Variants in ANXA4 observed in about 807,000 individuals in gnomAD.
ANXA4 encodes the protein annexin A4.
Under a neutral mutation model 49.8 loss-of-function variants are expected in ANXA4, and 39 were observed. That is an observed-to-expected ratio of 0.78 (90% CI 0.61 to 1.02). ANXA4 has a LOEUF of 1.02. Among genes scored for constraint, ANXA4 ranks in the 50% least tolerant of loss-of-function variants. The pLI, the probability that ANXA4 is intolerant of heterozygous loss-of-function variation, is 0.00. For synonymous variants in ANXA4, 134 were observed against 152.5 expected (o/e 0.88, Z 0.89); for missense variants, 360 against 410.1 (o/e 0.88, Z 1.05).
chr2:69,813,545 G>A (rs1168940163), intron 8 of ANXA4, among the ~76,000 whole-genome samples: 4 of 150,500 alleles, frequency 2.7e-5, no homozygotes, highest in Admixed American at 2.0e-4. Context: ...GCCATCGCGC[G>A]TGGCCCACTG....
At chr2:69,757,821 T>C (rs545025262) in intron 1 of ANXA4, among the ~76,000 whole-genome samples, 1 of 151,804 alleles carries the variant, frequency 6.6e-6, no homozygotes, top group South Asian at 2.1e-4. Context: ...TAGCTGGGCA[T>C]AGTGGTGTGT....
At chr2:69,677,891 A>G (rs1166495966) in intron 2 of ANXA4, among the ~76,000 whole-genome samples, 1 of 152,242 alleles carries the variant, frequency 6.6e-6, no homozygotes, top group Non-Finnish European at 1.5e-5. Flanking sequence ...TTCTCCCCTG[A>G]AGACCCTCAT....
rs112443414 is a variant in ANXA4 at position 69,713,363 on chromosome 2, G to A, written n.767-7411G>A. 1.1e-4 allele frequency among the ~76,000 whole-genome samples: 16 copies of A among 152,184 alleles called. 2 individuals are homozygous for A. Among genetic ancestry groups the A allele is most frequent in the African/African-American group, 3.9e-4 (16 of 41,522 alleles). ...TCTCCCCAAGGAAGAAGCGATATGTGGATGATAAGATTGGAAGAAGCCACT... is the reference window on the plus strand; with the variant it reads ...TCTCCCCAAGGAAGAAGCGATATGTAGATGATAAGATTGGAAGAAGCCACT... On this transcript the variant is annotated intron_variant and non_coding_transcript_variant, in intron 2 of 3. Transcript: ENST00000418066.
intron 1 of ANXA4, among the ~76,000 whole-genome samples, chr2:69,776,699 C>T (rs986979095): frequency 1.3e-5 from 2 of 152,148 alleles, no homozygotes; most frequent in Non-Finnish European, 2.9e-5. Context: ...GAATAATTGT[C>T]TTGGACCACA....
chr2:69,716,156 T>C (rs954659227), intron 2 of ANXA4, among the ~76,000 whole-genome samples: 1 of 151,972 alleles, frequency 6.6e-6, no homozygotes, highest in African/African-American at 2.4e-5. Context: ...AAAATACATG[T>C]ACATATGAGT....
At chr2:69,696,266 T>C (rs1355286133) in intron 2 of ANXA4, among the ~76,000 whole-genome samples, 1 of 152,220 alleles carries the variant, frequency 6.6e-6, no homozygotes, top group Non-Finnish European at 1.5e-5. Context: ...CACAGCACCT[T>C]CACCAGAAGC....
intron 1 of ANXA4, among the ~76,000 whole-genome samples, chr2:69,748,913 A>G (rs1050305467): frequency 1.3e-5 from 2 of 152,014 alleles, no homozygotes; most frequent in Non-Finnish European, 2.9e-5. Flanking sequence ...AAGTTTTGCC[A>G]TGTTGCCCAG....
rs574961611 is a variant in ANXA4, at chr2:69,718,754, TACACAC to T, written n.767-2016_767-2011del. Among the ~76,000 whole-genome samples, 3 of 143,288 alleles carry T rather than the reference TACACAC, an allele frequency of 2.1e-5. No individual in the cohort carries two copies. The East Asian group carries it at 5.8e-4, about 28-fold the overall frequency. The allele number at this position is 143,288 out of a possible 152,430, so 94.0% of individuals were successfully genotyped here. ...ACACAAATGCACACACATACATGCA[TACACAC>T]ACATACACACACATTCACACACATG... is the stretch of plus-strand genomic sequence containing the variant. On this transcript the variant is annotated intron_variant and non_coding_transcript_variant, in intron 2 of 3. Coordinates refer to the ANXA4 transcript ENST00000418066.
rs182538609 is a variant in ANXA4 at position 69,656,276 on chromosome 2, C to T, written n.766+2994C>T. Among the ~76,000 whole-genome samples the T allele has an allele frequency of 4.5e-3, 453 of 100,906 alleles. 42 individuals are homozygous for T. Among genetic ancestry groups the T allele is most frequent in the East Asian group, 0.024 (41 of 1,676 alleles). The allele number at this position is 100,906 out of a possible 152,430, so 66.2% of individuals were successfully genotyped here. ...GTATATACGTATATATATGTATATA[C>T]GTATATATATACATATATGTATATA... On this transcript the variant is annotated intron_variant and non_coding_transcript_variant, in intron 2 of 3. Coordinates refer to the ANXA4 transcript ENST00000418066.
intron 1 of ANXA4, among the ~76,000 whole-genome samples, chr2:69,775,690 A>G (rs1345225775): frequency 6.6e-6 from 1 of 152,210 alleles, no homozygotes; most frequent in East Asian, 1.9e-4. Flanking sequence ...TCTAGCACTC[A>G]TGCTTCTTCA....
chr2:69,746,403 G>A (rs1670615502), intron 1 of ANXA4, among the ~76,000 whole-genome samples: 2 of 152,082 alleles, frequency 1.3e-5, no homozygotes, highest in African/African-American at 2.4e-5. Context: ...GTCTTATAGT[G>A]CTAACACCTC....
intron 1 of ANXA4, among the ~76,000 whole-genome samples, chr2:69,770,234 A>G (rs115632610): frequency 6.6e-6 from 1 of 152,146 alleles, no homozygotes; most frequent in Non-Finnish European, 1.5e-5. Flanking sequence ...AACTTCCTTT[A>G]CTTTTAGAAG....
At chr2:69,795,220 C>G (rs549485569) in intron 3 of ANXA4, among the ~76,000 whole-genome samples, 64 of 152,288 alleles carry the variant, frequency 4.2e-4, no homozygotes, top group Non-Finnish European at 4.3e-4. Flanking sequence ...AGTGCTTGTC[C>G]AAATGAGTGA....
intron 2 of ANXA4, among the ~76,000 whole-genome samples, chr2:69,787,455 C>T (rs1672465099): frequency 6.6e-6 from 1 of 152,208 alleles, no homozygotes; most frequent in African/African-American, 2.4e-5. Context: ...CTGACTGCAA[C>T]CCTTTGGTGT....
At chr2:69,703,922 G>T (rs761749434) in intron 2 of ANXA4, among the ~76,000 whole-genome samples, 1 of 151,906 alleles carries the variant, frequency 6.6e-6, no homozygotes, top group African/African-American at 2.4e-5. Context: ...CTACAGGTGC[G>T]TGCCACCCCC....
Position 69,816,148 on chromosome 2 carries a change from A to G in ANXA4, c.582A>G (p.Lys194=). 1.2e-6 allele frequency: 2 copies of G among 1,614,080 alleles called. No individual in the cohort carries two copies. The highest frequency in any genetic ancestry group is 2.2e-5 in the South Asian group (2 of 91,082). The change falls in exon 9 of 13, where the codon AAA becomes AAG. Residue 194 remains lysine, a synonymous_variant. Transcript: ENST00000394295. ...AGAAATGGGGGACAGATGAGGTGAAATTTCTAACTGTTCTCTGTTCCCGGA... is the reference window on the plus strand; with the variant it reads ...AGAAATGGGGGACAGATGAGGTGAAGTTTCTAACTGTTCTCTGTTCCCGGA... ...GEKKWGTDEV[K]FLTVLCSRNR... is the part of the protein sequence containing the mutation.
At chr2:69,714,872 T>C (rs555933730) in intron 2 of ANXA4, among the ~76,000 whole-genome samples, 2 of 152,284 alleles carry the variant, frequency 1.3e-5, no homozygotes, top group African/African-American at 4.8e-5. Context: ...CCTTGTGTCT[T>C]GTGGATACCT....
chr2:69,705,212 C>T (rs1219817376), intron 2 of ANXA4, among the ~76,000 whole-genome samples: 1 of 152,044 alleles, frequency 6.6e-6, no homozygotes, highest in Non-Finnish European at 1.5e-5. Flanking sequence ...GGGAGGATCA[C>T]TGAAGCCTGA....
intron 2 of ANXA4, among the ~76,000 whole-genome samples, chr2:69,654,840 T>C (rs1257277440): frequency 6.6e-6 from 1 of 152,072 alleles, no homozygotes; most frequent in Non-Finnish European, 1.5e-5. Context: ...TATAGACCAA[T>C]GGAACAGAAC....
Sources: allele counts gnomAD v4.1 joint callset (sites outside exome capture counted in the v4.1 genomes callset), GRCh38; gene constraint gnomAD v4.1.1; transcripts MANE v1.5; gene names NCBI Gene and HGNC (gene_info 2026-07-23, HGNC 2026-07-21).